Variants in DPY19L1 observed in about 807,000 individuals in gnomAD.
The protein encoded by DPY19L1 is protein C-mannosyl-transferase DPY19L1.
A neutral mutation model predicts 96.9 loss-of-function variants in DPY19L1; 35 were observed. That is an observed-to-expected ratio of 0.36 (90% confidence interval 0.28 to 0.48). DPY19L1 has a LOEUF of 0.48. DPY19L1 is among the 20% of genes least tolerant of loss of function. The pLI is 0.99. For missense variants in DPY19L1, 521 were observed against 777.9 expected (o/e 0.67, Z 3.93); for synonymous variants, 205 against 252.6 (o/e 0.81, Z 1.79).
intron 1 of DPY19L1, among the ~76,000 whole-genome samples, chr7:35,023,655 T>C (rs1485209400): frequency 6.6e-6 from 1 of 152,108 alleles, no homozygotes; most frequent in Non-Finnish European, 1.5e-5. Flanking sequence ...TAAGAGGCTA[T>C]TCCCTCCAAG....
intron 9 of DPY19L1, 146 bp downstream of exon 9, chr7:34,969,287 A>G: frequency 2.3e-6 from 1 of 430,546 alleles, no homozygotes; most frequent in Admixed American, 4.4e-5. Context: ...TTTCTAAAAA[A>G]TGTTTTAGAA....
intron 8 of DPY19L1, among the ~76,000 whole-genome samples, chr7:34,969,838 C>G (rs192213184): frequency 4.5e-4 from 68 of 152,038 alleles, no homozygotes; most frequent in Admixed American, 9.2e-4. Context: ...AATACTGATT[C>G]AACAGATTCA....
At chr7:35,034,509 C>A (rs1423520872) in intron 1 of DPY19L1, among the ~76,000 whole-genome samples, 2 of 152,190 alleles carry the variant, frequency 1.3e-5, no homozygotes, top group African/African-American at 2.4e-5. Context: ...CCCCTCTTTA[C>A]AAATATTAGC....
intron 10 of DPY19L1, among the ~76,000 whole-genome samples, chr7:34,959,981 G>A (rs1275162877): frequency 7.0e-6 from 1 of 143,350 alleles, no homozygotes; most frequent in Non-Finnish European, 1.5e-5. Context: ...TAAACATATT[G>A]TAAATATTTT....
At chr7:34,997,436 CAAAAAAAA>C (rs397836742) in intron 6 of DPY19L1, among the ~76,000 whole-genome samples, 9 of 91,952 alleles carry the variant, frequency 9.8e-5, no homozygotes, top group African/African-American at 1.4e-4. Flanking sequence ...ACTAAAAATA[CAAAAAAAA>C]AAAAAAAAAA....
chr7:34,975,282 A>T (rs999846665), intron 7 of DPY19L1, among the ~76,000 whole-genome samples: 26 of 152,232 alleles, frequency 1.7e-4, no homozygotes, highest in African/African-American at 5.5e-4. Flanking sequence ...AAGGAAATTA[A>T]AAGTGAAACA....
At chr7:35,016,193 C>G (rs559055685) in intron 3 of DPY19L1, among the ~76,000 whole-genome samples, 1 of 152,190 alleles carries the variant, frequency 6.6e-6, no homozygotes, top group South Asian at 2.1e-4. Flanking sequence ...GATGCCAGGT[C>G]TGAGAAGAAA....
At chr7:34,970,509 CT>C (rs1562811161) in intron 8 of DPY19L1, among the ~76,000 whole-genome samples, 1 of 152,100 alleles carries the variant, frequency 6.6e-6, no homozygotes, top group African/African-American at 2.4e-5. Flanking sequence ...TTCTGTGAAA[CT>C]TTTGTTTCAG....
chr7:35,020,230 C>G (rs1214210359), intron 1 of DPY19L1, among the ~76,000 whole-genome samples: 2 of 152,140 alleles, frequency 1.3e-5, no homozygotes, highest in Non-Finnish European at 2.9e-5. Flanking sequence ...ATTTTTCTCC[C>G]ATTGAATGTA....
chr7:35,008,780 C>T (rs1785629810), intron 6 of DPY19L1, among the ~76,000 whole-genome samples: 1 of 152,156 alleles, frequency 6.6e-6, no homozygotes, highest in South Asian at 2.1e-4. Flanking sequence ...TTTAACTTCT[C>T]TTATGTAAAA....
chr7:34,973,922 G>A (rs769104756), intron 7 of DPY19L1, among the ~76,000 whole-genome samples: 30 of 152,158 alleles, frequency 2.0e-4, no homozygotes, highest in Non-Finnish European at 3.5e-4. Flanking sequence ...CCAAATTTTA[G>A]AATATTTTGA....
chr7:34,973,598 C>T lies in DPY19L1; in HGVS notation c.830G>A (p.Arg277His), dbSNP rs960181495. ...ACGGAGAGGTGGTGTCCACATTACA[C>T]GGGTACACTGAAAAAAAAAATTTGT... ...CFFFNHGECT[R>H]VMWTPPLRES... The change falls in exon 8 of 22, where the codon CGT becomes CAT. Residue 277 changes from arginine (R) to histidine (H), a missense_variant. By Grantham distance (29) the Arg-to-His change is conservative. Transcript: ENST00000638088. 4.1e-6 allele frequency: 6 copies of T among 1,454,812 alleles called. No individual in the cohort carries two copies. The highest frequency in any genetic ancestry group is 3.4e-5 in the South Asian group (2 of 59,352). 90.1% of individuals were successfully genotyped at this position (1,454,812 alleles called of 1,614,324 possible). A position where few individuals can be genotyped will look rare whatever the true frequency, so the allele number is the denominator to read the frequency against.
At chr7:35,000,607 T>C (rs758890853) in intron 6 of DPY19L1, 16 of 152,112 alleles carry the variant, frequency 1.1e-4, no homozygotes, top group Admixed American at 3.3e-4. Context: ...AAAATGGCAA[T>C]ATTAGAAAGA....
At chr7:34,983,954 CAGAGA>C (rs1784994674) in intron 7 of DPY19L1, among the ~76,000 whole-genome samples, 1 of 151,400 alleles carries the variant, frequency 6.6e-6, no homozygotes, top group Non-Finnish European at 1.5e-5. Flanking sequence ...CTCTGAACAA[CAGAGA>C]AAAGACACAT....
intron 7 of DPY19L1, among the ~76,000 whole-genome samples, chr7:34,983,819 G>C (rs1381872447): frequency 6.6e-6 from 1 of 152,066 alleles, no homozygotes; most frequent in Non-Finnish European, 1.5e-5. Context: ...AGAAGATCTT[G>C]GCTAGAAATT....
intron 7 of DPY19L1, among the ~76,000 whole-genome samples, chr7:34,982,458 T>C (rs1032508503): frequency 4.6e-5 from 7 of 152,212 alleles, no homozygotes; most frequent in African/African-American, 1.7e-4. Flanking sequence ...AAACTGAATC[T>C]AGAGCATTTC....
chr7:34,960,947 A>G (rs1637676), intron 10 of DPY19L1, among the ~76,000 whole-genome samples: 40,084 of 152,082 alleles, frequency 0.26, 5,508 homozygotes, highest in Non-Finnish European at 0.31. Context: ...GGAATGAGGC[A>G]CTTAGATACA....
At chr7:34,940,855 G>C (rs1783996066) in intron 18 of DPY19L1, 1 of 154,234 alleles carries the variant, frequency 6.5e-6, no homozygotes, top group African/African-American at 2.4e-5. Context: ...TCATGCTGTG[G>C]GATAAGACTC....
intron 13 of DPY19L1, among the ~76,000 whole-genome samples, chr7:34,953,724 GAATA>G (rs3048511): frequency 0.67 from 101,797 of 151,690 alleles, 35,081 homozygotes; most frequent in African/African-American, 0.81. Flanking sequence ...ATGAATGAAT[GAATA>G]AATACATTTT....
Sources: gnomAD v4.1 joint callset for allele counts (sites outside exome capture counted in the v4.1 genomes callset) on GRCh38, gnomAD v4.1.1 for gene constraint, MANE v1.5 for transcripts, NCBI Gene and HGNC (gene_info 2026-07-23, HGNC 2026-07-21) for gene names.